Variants in ABCG2 observed in about 807,000 individuals in gnomAD.
ABCG2 encodes ATP binding cassette subfamily G member 2 (JR blood group).
In ABCG2, 80 loss-of-function variants were observed where a neutral mutation model predicts 73.5. That is an observed-to-expected ratio of 1.09 (90% CI 0.91 to 1.31). The LOEUF (loss-of-function observed/expected upper bound fraction) is 1.31. Ranked by LOEUF, ABCG2 falls within the 50% of genes most tolerant of loss-of-function variation. The probability of loss-of-function intolerance (pLI) is 0.00; values close to 1 mark genes in which losing one functional copy is unlikely to be tolerated. For synonymous variants in ABCG2, 269 were observed against 282.4 expected (o/e 0.95, Z 0.48); for missense variants, 796 against 786.2 (o/e 1.01, Z -0.15).
At chr4:88,167,370 C>CTTTTTTTT (rs551648302) in intron 1 of ABCG2, among the ~76,000 whole-genome samples, 1 of 101,466 alleles carries the variant, frequency 9.9e-6, no homozygotes, top group Non-Finnish European at 1.9e-5. Flanking sequence ...TCCCTTCTGC[C>CTTTTTTTT]TTTTTTTTTT....
At chr4:88,116,596 C>T (rs1415813807) in intron 7 of ABCG2, among the ~76,000 whole-genome samples, 447 of 782 alleles carry the variant, frequency 0.57, 206 homozygotes, top group Admixed American at 0.88. Context: ...CTCTGTCACC[C>T]AGGCTGGAGT....
chr4:88,229,978 C>A (rs1286789489), intron 1 of ABCG2, among the ~76,000 whole-genome samples: 5 of 143,550 alleles, frequency 3.5e-5, no homozygotes, highest in Non-Finnish European at 6.0e-5. Context: ...TTCTGGCATG[C>A]ATTATTATTA....
intron 1 of ABCG2, among the ~76,000 whole-genome samples, chr4:88,156,370 C>CAAAAAAAAA (rs56029010): frequency 1.4e-5 from 1 of 69,070 alleles, no homozygotes; most frequent in Non-Finnish European, 2.5e-5. Flanking sequence ...GACTCCGTCT[C>CAAAAAAAAA]AAAAAAAAAA....
chr4:88,111,964 G>A (rs962218715), intron 9 of ABCG2, among the ~76,000 whole-genome samples: 2 of 152,138 alleles, frequency 1.3e-5, no homozygotes, highest in South Asian at 2.1e-4. Flanking sequence ...GTGCACGGCT[G>A]TAGTCACAGC....
At chr4:88,158,843 G>C (rs1451044194), upstream of ABCG2, 1 of 334,910 alleles carries the variant, frequency 3.0e-6, no homozygotes, top group African/African-American at 2.3e-5. Flanking sequence ...CAGGGGACGA[G>C]CTCAGGCAGC....
At chr4:88,183,834 T>C (rs1307847133) in intron 1 of ABCG2, among the ~76,000 whole-genome samples, 1 of 151,826 alleles carries the variant, frequency 6.6e-6, no homozygotes, top group African/African-American at 2.4e-5. Flanking sequence ...GCAAATCAAA[T>C]TCAACAATAC....
intron 1 of ABCG2, among the ~76,000 whole-genome samples, chr4:88,199,696 A>C (rs1401652838): frequency 6.6e-6 from 1 of 152,234 alleles, no homozygotes; most frequent in Non-Finnish European, 1.5e-5. Context: ...AATGTTTTTT[A>C]AAAGTTATTT....
intron 1 of ABCG2, among the ~76,000 whole-genome samples, chr4:88,172,689 G>GATCT (rs1402048397): frequency 6.6e-5 from 10 of 152,090 alleles, no homozygotes; most frequent in African/African-American, 2.4e-4. Context: ...AACCACTTAA[G>GATCT]ATCTGGTCAG....
intron 1 of ABCG2, among the ~76,000 whole-genome samples, chr4:88,201,102 C>T (rs2110114586): frequency 7.0e-6 from 1 of 142,040 alleles, no homozygotes; most frequent in Non-Finnish European, 1.5e-5. Flanking sequence ...TAATAAAAAT[C>T]AGAAAAAACA....
intron 1 of ABCG2, among the ~76,000 whole-genome samples, chr4:88,177,890 G>A (rs1578258528): frequency 6.6e-6 from 1 of 152,138 alleles, no homozygotes; most frequent in Non-Finnish European, 1.5e-5. Context: ...GGTAACCAGA[G>A]GGAATTTGCC....
At chr4:88,217,670 A>T (rs1370154099) in intron 1 of ABCG2, among the ~76,000 whole-genome samples, 3 of 152,058 alleles carry the variant, frequency 2.0e-5, no homozygotes, top group Non-Finnish European at 2.9e-5. Flanking sequence ...TCAAAAAAAA[A>T]AAAGAATGCA....
chr4:88,177,265 T>C (rs1217868914), intron 1 of ABCG2, among the ~76,000 whole-genome samples: 1 of 151,698 alleles, frequency 6.6e-6, no homozygotes, highest in Non-Finnish European at 1.5e-5. Context: ...TCCCAGCTAC[T>C]CGGGAGGGTG....
In ABCG2 at chr4:88,129,995, G is replaced by A. The variant is rs550334995; in HGVS notation, c.531+1066C>T. Among the ~76,000 whole-genome samples the A allele has an allele frequency of 7.2e-5, 11 of 152,224 alleles. No individual in the cohort carries two copies. The South Asian group carries it at 2.3e-3, about 32-fold the overall frequency. ...TAAACATTTGGCAGAAGAAAAAGAG[G>A]CAGAGAAGGGAGGGAATGAGAGACA... On this transcript the variant is annotated intron_variant, in intron 5 of 15. Coordinates refer to ENST00000237612, the MANE Select transcript of ABCG2 (RefSeq NM_004827.3).
intron 1 of ABCG2, among the ~76,000 whole-genome samples, chr4:88,179,484 C>T (rs1728143868): frequency 6.6e-6 from 1 of 152,180 alleles, no homozygotes; most frequent in African/African-American, 2.4e-5. Context: ...TACTTATCTT[C>T]AATGCTCAGA....
chr4:88,144,449 C>CTTTTTTTTTT (rs59434855), intron 1 of ABCG2, among the ~76,000 whole-genome samples: 26 of 77,590 alleles, frequency 3.4e-4, no homozygotes, highest in South Asian at 4.6e-4. Flanking sequence ...CACATTTTTA[C>CTTTTTTTTTT]TTTTTTTTTT....
intron 1 of ABCG2, among the ~76,000 whole-genome samples, chr4:88,221,960 G>A (rs13119417): frequency 0.34 from 52,296 of 152,002 alleles, 9,686 homozygotes; most frequent in African/African-American, 0.48. Context: ...GGACATGTCG[G>A]AGACCTTCAC....
intron 7 of ABCG2, among the ~76,000 whole-genome samples, 198 bp from the exon 8 acceptor site, chr4:88,115,256 C>CTCTCTCTCTCTCTCTATATATATA: frequency 1.4e-5 from 1 of 69,866 alleles, no homozygotes; most frequent in African/African-American, 5.6e-5. Context: ...CTCTCTCTCT[C>CTCTCTCTCTCTCTCTATATATATA]TATATATATA....
chr4:88,213,986 T>C (rs1187972490), intron 1 of ABCG2, among the ~76,000 whole-genome samples: 1 of 121,574 alleles, frequency 8.2e-6, no homozygotes, highest in African/African-American at 4.0e-5. Flanking sequence ...CCCGGCCTTT[T>C]TTTTTTTTTT....
At chr4:88,189,345 C>T (rs1300749845) in intron 1 of ABCG2, among the ~76,000 whole-genome samples, 4 of 151,904 alleles carry the variant, frequency 2.6e-5, no homozygotes, top group Non-Finnish European at 4.4e-5. Context: ...AACACACCTT[C>T]TCCACAAAAA....
Sources: gnomAD v4.1 joint callset for allele counts (sites outside exome capture counted in the v4.1 genomes callset) on GRCh38, gnomAD v4.1.1 for gene constraint, MANE v1.5 for transcripts, NCBI Gene and HGNC (gene_info 2026-07-23, HGNC 2026-07-21) for gene names.